Variants in CLIP4 observed in about 807,000 individuals in gnomAD.
CLIP4 encodes CAP-Gly domain containing linker protein family member 4.
In CLIP4, 47 loss-of-function variants were observed where a neutral mutation model predicts 73.1. The ratio of observed to expected loss-of-function variants is 0.64; its 90% CI spans 0.51 to 0.82. The LOEUF is 0.82. Ranked by LOEUF, CLIP4 falls within the 40% of genes least tolerant of loss-of-function variation. The pLI is 0.00. For synonymous variants in CLIP4, 306 were observed against 295.4 expected, an observed-to-expected ratio of 1.04 and a Z score of -0.37; for missense variants, 874 against 852.9, an observed-to-expected ratio of 1.02 and a Z score of -0.31.
Position 29,175,814 on chromosome 2 carries a change from T to C in CLIP4, c.1796+1369T>C, listed in dbSNP as rs971693674. On this transcript the variant is annotated intron_variant, in intron 15 of 15. Coordinates refer to ENST00000320081, the MANE Select transcript of CLIP4 (RefSeq NM_024692.6). ...TCTTGCTCTGTCACCCAGGCTGGAG[T>C]GCAGTGGCGTGATCTCGGCTCACTG... Among the ~76,000 whole-genome samples the C allele has an allele frequency of 2.0e-5, 3 of 152,118 alleles. No individual in the cohort carries two copies. The South Asian group carries it at 6.2e-4, about 32-fold the overall frequency.
intron 11 of CLIP4, among the ~76,000 whole-genome samples, chr2:29,160,073 G>C (rs914180255): frequency 6.6e-6 from 1 of 152,158 alleles, no homozygotes; most frequent in African/African-American, 2.4e-5. Context: ...CCAGGGATCA[G>C]GTTTTGTGAA....
intron 6 of CLIP4, among the ~76,000 whole-genome samples, chr2:29,143,400 G>GTT (rs745440777): frequency 0.017 from 662 of 39,488 alleles, 6 homozygotes; most frequent in African/African-American, 0.043. Context: ...CCCCTTCCCT[G>GTT]TTTTTTTTTT....
intron 9 of CLIP4, 134 bp downstream of exon 9, chr2:29,152,962 T>C (rs3100238): frequency 0.16 from 160,744 of 976,898 alleles, 15,701 homozygotes; most frequent in Non-Finnish European, 0.2. Context: ...CTGCATCTTA[T>C]GTGTTTTTAA....
At chr2:29,177,620 C>A (rs2148116123) in intron 15 of CLIP4, among the ~76,000 whole-genome samples, 1 of 152,050 alleles carries the variant, frequency 6.6e-6, no homozygotes, top group East Asian at 1.9e-4. Context: ...AGATGACGAT[C>A]TCTGCGTTTC....
intron 8 of CLIP4, among the ~76,000 whole-genome samples, chr2:29,150,500 AAATCAG>A (rs1246370103): frequency 6.6e-6 from 1 of 152,130 alleles, no homozygotes; most frequent in African/African-American, 2.4e-5. Context: ...CAAATCAAAC[AAATCAG>A]AAAAAGACTC....
chr2:29,130,095 A>G (rs1324575598), intron 2 of CLIP4: 2 of 470,442 alleles, frequency 4.3e-6, no homozygotes, highest in Non-Finnish European at 8.8e-6. Flanking sequence ...TTCTACACAG[A>G]AGGAGGAGAG....
intron 7 of CLIP4, 50 bp from the exon 8 acceptor site, chr2:29,145,182 T>A: frequency 1.3e-6 from 2 of 1,531,324 alleles, no homozygotes; most frequent in Non-Finnish European, 1.8e-6. Context: ...GTAGGACCCT[T>A]GGAATTACTA....
At position 29,145,287 on chromosome 2, in the gene CLIP4, G is replaced by T; in HGVS notation, c.941G>T (p.Gly314Val). 6.2e-7 allele frequency: 1 copy of T among 1,613,668 alleles called. No homozygotes were observed. The change falls in exon 8 of 16, where the codon GGC becomes GTC. Residue 314 changes from glycine (G) to valine (V), a missense_variant. By Grantham distance (109) the Gly-to-Val change is moderately radical (BLOSUM62 -3). Transcript: ENST00000320081. ...GAATTTGCAAGTGGGCAGTGGGCTG[G>T]CATTGAACTGGATGAACCAGAAGGA... ...TTEFASGQWA[G>V]IELDEPEGKN...
At chr2:29,174,526 G>T in intron 15 of CLIP4, 81 bp downstream of exon 15, 9 of 1,547,188 alleles carry the variant, frequency 5.8e-6, no homozygotes, top group Non-Finnish European at 7.8e-6. Flanking sequence ...GTGGAGTGCT[G>T]TATCTTTTGC....
intron 2 of CLIP4, among the ~76,000 whole-genome samples, chr2:29,124,930 C>G (rs1186414670): frequency 6.6e-6 from 1 of 152,152 alleles, no homozygotes; most frequent in East Asian, 1.9e-4. Flanking sequence ...TTTCTTCTTT[C>G]TTTGCTTGCC....
intron 1 of CLIP4, among the ~76,000 whole-genome samples, chr2:29,099,384 G>T (rs945417944): frequency 6.7e-6 from 1 of 148,494 alleles, no homozygotes; most frequent in Non-Finnish European, 1.5e-5. Context: ...TTTTGTAAAA[G>T]GTGTAAGATC....
In CLIP4 at chr2:29,182,015, C is replaced by G. The variant is rs1668672942; in HGVS notation, c.*122C>G. ...GAAAATATAGTTATCTTCTTAAAAA[C>G]CATTATAACAATTCAGAGAGAGTTC... On this transcript the variant is annotated 3_prime_UTR_variant, in exon 16 of 16. Coordinates refer to ENST00000320081, the MANE Select transcript of CLIP4 (RefSeq NM_024692.6). 1.3e-6 allele frequency: 1 copy of G among 761,652 alleles called. No individual in the cohort carries two copies. Among genetic ancestry groups the G allele is most frequent in the Admixed American group, 3.2e-5 (1 of 31,204 alleles). 47.2% of individuals were successfully genotyped at this position (761,652 alleles called of 1,614,324 possible). A position where few individuals can be genotyped will look rare whatever the true frequency, so the allele number is the denominator to read the frequency against.
At chr2:29,129,425 T>C (rs1348583272) in intron 2 of CLIP4, among the ~76,000 whole-genome samples, 4 of 151,984 alleles carry the variant, frequency 2.6e-5, no homozygotes, top group African/African-American at 7.2e-5. Flanking sequence ...CTATTGAACA[T>C]ACATAGCTAT....
chr2:29,163,467 ACTT>A (rs1289087882), intron 12 of CLIP4, among the ~76,000 whole-genome samples: 1 of 152,010 alleles, frequency 6.6e-6, no homozygotes, highest in Non-Finnish European at 1.5e-5. Flanking sequence ...ATTATGTTTC[ACTT>A]CTTTCACTGA....
intron 1 of CLIP4, among the ~76,000 whole-genome samples, chr2:29,104,692 A>T (rs886966124): frequency 6.6e-6 from 1 of 152,144 alleles, no homozygotes; most frequent in African/African-American, 2.4e-5. Context: ...AAGCCTTTGC[A>T]ATAGAGGCAC....
chr2:29,150,194 G>T (rs977143342), intron 8 of CLIP4, among the ~76,000 whole-genome samples: 3 of 152,136 alleles, frequency 2.0e-5, no homozygotes, highest in African/African-American at 7.2e-5. Flanking sequence ...AATTAATTTA[G>T]CCTTCTACCC....
rs1272262383 is a variant in CLIP4, at chr2:29,183,222, G to T, written c.*1329G>T. On this transcript the variant is annotated 3_prime_UTR_variant, in exon 16 of 16. Transcript: ENST00000320081. Reference sequence around the variant, plus strand: ...TACCACAGAAATATTGGAACAGTTTGCTTTATAAGATTAAAAAGCATCCTT... The same window carrying T: ...TACCACAGAAATATTGGAACAGTTTTCTTTATAAGATTAAAAAGCATCCTT... 6.6e-6 allele frequency: 1 copy of T among 152,628 alleles called. No homozygotes were observed. Among genetic ancestry groups the T allele is most frequent in the Admixed American group, 6.5e-5 (1 of 15,284 alleles). 9.5% of individuals were successfully genotyped at this position (152,628 alleles called of 1,614,324 possible).
At chr2:29,146,183 C>A (rs1666152902) in intron 8 of CLIP4, among the ~76,000 whole-genome samples, 1 of 152,086 alleles carries the variant, frequency 6.6e-6, no homozygotes, top group Non-Finnish European at 1.5e-5. Flanking sequence ...GTTGGGCTGC[C>A]CTTGATTCTT....
At chr2:29,169,501 C>A (rs1358703767) in intron 14 of CLIP4, among the ~76,000 whole-genome samples, 3 of 152,148 alleles carry the variant, frequency 2.0e-5, no homozygotes, top group South Asian at 2.1e-4. Context: ...AATATAGTCA[C>A]ATTCTGAAAT....
Sources: gnomAD v4.1 joint callset for allele counts (sites outside exome capture counted in the v4.1 genomes callset) on GRCh38, gnomAD v4.1.1 for gene constraint, MANE v1.5 for transcripts, NCBI Gene and HGNC (gene_info 2026-07-23, HGNC 2026-07-21) for gene names.